MOB1B: variants seen among roughly 807,000 people sequenced by gnomAD.
MOB1B encodes the protein MOB1 Mps One Binder homolog B.
MOB1B carries 19 observed loss-of-function variants against 24.4 expected under a neutral mutation model. That is an observed-to-expected ratio of 0.78 (90% CI 0.54 to 1.14). The LOEUF (loss-of-function observed/expected upper bound fraction) is 1.14. MOB1B is among the 50% of genes most tolerant of loss of function. MOB1B has a pLI of 0.00. For missense variants in MOB1B, 243 were observed against 259.6 expected (o/e 0.94, Z 0.44); for synonymous variants, 76 against 82.1 (o/e 0.93, Z 0.40).
intron 1 of MOB1B, among the ~76,000 whole-genome samples, chr4:70,926,368 G>A (rs1736656548): frequency 1.3e-5 from 2 of 151,796 alleles, no homozygotes. Context: ...CACTAGCTAT[G>A]TGACCTTGGG....
chr4:70,953,910 C>T (rs1212257555), intron 1 of MOB1B, among the ~76,000 whole-genome samples: 1 of 152,068 alleles, frequency 6.6e-6, no homozygotes, highest in Non-Finnish European at 1.5e-5. Context: ...TGCCACTGCA[C>T]TCCAGCCTGG....
intron 3 of MOB1B, among the ~76,000 whole-genome samples, chr4:70,973,072 C>T (rs974916964): frequency 6.6e-6 from 1 of 152,108 alleles, no homozygotes; most frequent in African/African-American, 2.4e-5. Flanking sequence ...CACGCCCGGC[C>T]TAATTATTTT....
intron 1 of MOB1B, among the ~76,000 whole-genome samples, chr4:70,921,944 C>A (rs529970617): frequency 8.9e-4 from 135 of 152,316 alleles, no homozygotes; most frequent in African/African-American, 3.1e-3. Context: ...TTTCCCACAT[C>A]TTTCTCCCCT....
At position 70,985,549 on chromosome 4, in the gene MOB1B, A is replaced by C. The variant is rs1739350841; in HGVS notation, c.*3492A>C. On this transcript the variant is annotated 3_prime_UTR_variant, in exon 6 of 6. Transcript: ENST00000309395. ...TTTTATTTTTATTTCTTTAAGATGGAGTCTTGCTCTGTTGCCCGGGCTGGA... is the reference window on the plus strand; with the variant it reads ...TTTTATTTTTATTTCTTTAAGATGGCGTCTTGCTCTGTTGCCCGGGCTGGA... 6.6e-6 allele frequency: 1 copy of C among 151,674 alleles called. No homozygotes were observed. The highest frequency in any genetic ancestry group is 6.6e-5 in the Admixed American group (1 of 15,226). The allele number at this position is 151,674 out of a possible 1,614,324, so 9.4% of individuals were successfully genotyped here.
At chr4:70,924,795 C>T (rs906179883) in intron 1 of MOB1B, among the ~76,000 whole-genome samples, 2 of 152,174 alleles carry the variant, frequency 1.3e-5, no homozygotes. Flanking sequence ...CCAGCTTCAT[C>T]CATGTACCTG....
At chr4:70,958,680 A>C (rs765809623) in intron 1 of MOB1B, 194 bp from the exon 2 acceptor site, 1 of 711,050 alleles carries the variant, frequency 1.4e-6, no homozygotes, top group Non-Finnish European at 2.6e-6. Context: ...ACAGCTTAAA[A>C]ATTTTTCTTT....
chr4:70,966,801 G>A (rs1403013822), intron 2 of MOB1B, among the ~76,000 whole-genome samples: 1 of 151,826 alleles, frequency 6.6e-6, no homozygotes, highest in Non-Finnish European at 1.5e-5. Context: ...GCTGCAGTGA[G>A]CTCTGACTGC....
intron 5 of MOB1B, among the ~76,000 whole-genome samples, chr4:70,980,596 A>G (rs1739172896): frequency 6.6e-6 from 1 of 152,120 alleles, no homozygotes; most frequent in South Asian, 2.1e-4. Context: ...ATTTAGAGAT[A>G]CCTGCTCTGG....
At chr4:70,907,723 G>A (rs991624016) in intron 1 of MOB1B, among the ~76,000 whole-genome samples, 6 of 152,068 alleles carry the variant, frequency 3.9e-5, no homozygotes, top group Non-Finnish European at 7.3e-5. Context: ...TGAAGTGGGT[G>A]GATTGCTTGA....
At chr4:70,935,905 G>T (rs1737065025) in intron 1 of MOB1B, among the ~76,000 whole-genome samples, 1 of 139,010 alleles carries the variant, frequency 7.2e-6, no homozygotes, top group South Asian at 2.2e-4. Context: ...AGGCTGGAGT[G>T]CAGTGGCGGG....
intron 1 of MOB1B, among the ~76,000 whole-genome samples, chr4:70,910,271 C>T (rs1011765731): frequency 6.6e-6 from 1 of 151,970 alleles, no homozygotes; most frequent in African/African-American, 2.4e-5. Context: ...GAACTCCTGG[C>T]CTCAAGCAAT....
chr4:70,975,257 A>G lies in MOB1B; in HGVS notation c.380A>G (p.Asp127Gly). 1 of 1,613,402 alleles carries G rather than the reference A, an allele frequency of 6.2e-7. No individual in the cohort carries two copies. Among genetic ancestry groups the G allele is most frequent in the Non-Finnish European group, 8.5e-7 (1 of 1,179,700 alleles). Residue 127 changes from aspartate to glycine, a missense_variant, in exon 4 of 6, where the codon GAT becomes GGT. Transcript: ENST00000309395. ...ATGACTTGGGTTCAGGACCAGTTGG[A>G]TGATGAGACGTTATTTCCATCAAAA... ...YLMTWVQDQLDDETLFPSKIG... is the reference protein window; with the variant it reads ...YLMTWVQDQLGDETLFPSKIG...
chr4:70,966,847 C>CA (rs1049259757), intron 2 of MOB1B, among the ~76,000 whole-genome samples: 65 of 135,078 alleles, frequency 4.8e-4, no homozygotes, highest in Non-Finnish European at 7.3e-4. Context: ...GATCCTACTT[C>CA]AAAAAAAAAA....
At chr4:70,975,431 G>C in intron 4 of MOB1B, 145 bp downstream of exon 4, 1 of 1,353,736 alleles carries the variant, frequency 7.4e-7, no homozygotes, top group South Asian at 2.0e-5. Flanking sequence ...TTCCCAAGAA[G>C]AGGCACAAAA....
chr4:70,969,910 C>A (rs373323247), intron 2 of MOB1B, 21 bp from the exon 3 acceptor site: 66 of 1,418,706 alleles, frequency 4.7e-5, no homozygotes, highest in Non-Finnish European at 6.4e-5. Context: ...GTTTTACTTA[C>A]AACTGATACT....
intron 1 of MOB1B, among the ~76,000 whole-genome samples, chr4:70,933,002 A>G (rs1175170975): frequency 6.6e-6 from 1 of 152,142 alleles, no homozygotes; most frequent in East Asian, 1.9e-4. Context: ...AATACCAGAG[A>G]CTGGGTAATT....
intron 1 of MOB1B, among the ~76,000 whole-genome samples, chr4:70,947,972 T>C (rs1737654357): frequency 1.3e-5 from 2 of 152,228 alleles, no homozygotes; most frequent in South Asian, 4.1e-4. Flanking sequence ...ATAAGATGCT[T>C]TTTTATATCT....
At chr4:70,933,925 G>C (rs1354824422) in intron 1 of MOB1B, among the ~76,000 whole-genome samples, 1 of 151,742 alleles carries the variant, frequency 6.6e-6, no homozygotes, top group African/African-American at 2.4e-5. Flanking sequence ...AGTGGCTCAC[G>C]CCTGTAATCC....
Position 70,970,033 on chromosome 4 carries a change from T to A in MOB1B, c.275+9T>A. 1 of 1,450,348 alleles carries A rather than the reference T, an allele frequency of 6.9e-7. No individual in the cohort carries two copies. Among genetic ancestry groups the A allele is most frequent in the Non-Finnish European group, 9.6e-7 (1 of 1,043,530 alleles). The allele number at this position is 1,450,348 out of a possible 1,614,324, so 89.8% of individuals were successfully genotyped here. A position where few individuals can be genotyped will look rare whatever the true frequency, so the allele number is the denominator to read the frequency against. ...ATGTCAGCTGGCCCAAAGTAAGACA[T>A]AGTTAATGATCAGTTTCTTATTTTT... On this transcript the variant is annotated intron_variant, in intron 3 of 5. Transcript: ENST00000309395.
Sources: allele counts gnomAD v4.1 joint callset (sites outside exome capture counted in the v4.1 genomes callset), GRCh38; gene constraint gnomAD v4.1.1; transcripts MANE v1.5; gene names NCBI Gene and HGNC (gene_info 2026-07-23, HGNC 2026-07-21).